LIPC: variants seen among roughly 807,000 people sequenced by gnomAD.
LIPC encodes hepatic triacylglycerol lipase.
LIPC carries 44 observed loss-of-function variants against 50.7 expected under a neutral mutation model. The ratio of observed to expected loss-of-function variants is 0.87; its 90% CI spans 0.68 to 1.11. The LOEUF is 1.11. Among genes scored for constraint, LIPC ranks in the 50% most tolerant of loss-of-function variants. The pLI is 0.00. For missense variants in LIPC, 697 were observed against 648.2 expected (o/e 1.08, Z -0.82); for synonymous variants, 271 against 256.4 (o/e 1.06, Z -0.54).
At chr15:58,527,738 C>T (rs929352656) in intron 1 of LIPC, among the ~76,000 whole-genome samples, 1 of 152,160 alleles carries the variant, frequency 6.6e-6, no homozygotes, top group East Asian at 1.9e-4. Flanking sequence ...TATTCACAAT[C>T]CCTGACACAT....
At chr15:58,467,667 A>G (rs1160975015) in intron 1 of LIPC, among the ~76,000 whole-genome samples, 1 of 152,160 alleles carries the variant, frequency 6.6e-6, no homozygotes, top group Non-Finnish European at 1.5e-5. Flanking sequence ...AGAGTGGCCC[A>G]TTCTCAAATG....
At position 58,548,436 on chromosome 15, in the gene LIPC, G is replaced by C. The variant is rs776867538; in HGVS notation, c.915G>C (p.Met305Ile). 18 of 1,613,890 alleles carry C rather than the reference G, an allele frequency of 1.1e-5. No individual in the cohort carries two copies. The Admixed American group carries it at 1.3e-4, about 12-fold the overall frequency. ...TQSMAYPCGD[M>I]NSFSQGLCLS... Reference sequence around the variant, plus strand: ...GCATGGCCTACCCGTGTGGTGACATGAACAGCTTCAGCCAGGGCCTGTGCC... The same window carrying C: ...GCATGGCCTACCCGTGTGGTGACATCAACAGCTTCAGCCAGGGCCTGTGCC... Residue 305 changes from methionine (M) to isoleucine (I), a missense_variant, in exon 6 of 9, where the codon ATG (methionine) becomes ATC (isoleucine). Met to Ile is a conservative substitution (Grantham distance 10). Coordinates refer to ENST00000299022, the MANE Select transcript of LIPC (RefSeq NM_000236.3).
chr15:58,447,676 A>G (rs1893747250), intron 1 of LIPC, among the ~76,000 whole-genome samples: 1 of 152,184 alleles, frequency 6.6e-6, no homozygotes, highest in Non-Finnish European at 1.5e-5. Context: ...CCTTTGAATC[A>G]TCTGGAGAGC....
At chr15:58,444,369 C>T (rs527608476) in intron 1 of LIPC, among the ~76,000 whole-genome samples, 25 of 152,272 alleles carry the variant, frequency 1.6e-4, no homozygotes, top group African/African-American at 4.1e-4. Flanking sequence ...TCAGAGATTT[C>T]GCCACACACC....
chr15:58,489,217 C>CGGGGGG (rs59532809), intron 1 of LIPC, among the ~76,000 whole-genome samples: 29 of 16,440 alleles, frequency 1.8e-3, no homozygotes, highest in Admixed American at 3.1e-3. Context: ...CATTTTGTTG[C>CGGGGGG]GGGGGCGGGG....
At chr15:58,523,019 C>G (rs1892700793) in intron 1 of LIPC, 1 of 152,390 alleles carries the variant, frequency 6.6e-6, no homozygotes, top group Non-Finnish European at 1.5e-5. Context: ...GCATCAGTCT[C>G]TCCAGGGCCT....
At position 58,563,592 on chromosome 15, in the gene LIPC, G is replaced by A. The variant is rs751744696; in HGVS notation, c.1257G>A (p.Lys419=). ...DIGELIMIKF[K]WENSAVWANV... ...GCGAGCTGATCATGATCAAGTTCAA[G>A]TGGGAAAACAGTGCAGTGTGGGCCA... Residue 419 remains lysine, a synonymous_variant, in exon 8 of 9, where the codon AAG becomes AAA. Transcript: ENST00000299022. 1.2e-5 allele frequency: 20 copies of A among 1,614,094 alleles called. No individual in the cohort carries two copies. Among genetic ancestry groups the A allele is most frequent in the African/African-American group, 2.7e-5 (2 of 74,926 alleles).
At chr15:58,441,171 C>T (rs370524226) in intron 1 of LIPC, among the ~76,000 whole-genome samples, 80 of 152,236 alleles carry the variant, frequency 5.3e-4, no homozygotes, top group African/African-American at 1.9e-3. Flanking sequence ...GCCCTACACC[C>T]GCAAACACTC....
At position 58,541,908 on chromosome 15, in the gene LIPC, G is replaced by A. The variant is rs766415805; in HGVS notation, c.397G>A (p.Ala133Thr). ...ITLAHDHYTI[A>T]VRNTRLVGKE... ...CCTGGCCCACGACCACTACACCATC[G>A]CCGTCCGCAACACCCGCCTTGTGGG... Residue 133 changes from alanine to threonine, a missense_variant, in exon 3 of 9, where the codon GCC becomes ACC. Transcript: ENST00000299022. The A allele has an allele frequency of 6.2e-6, 10 of 1,611,554 alleles. No individual in the cohort carries two copies. The highest frequency in any genetic ancestry group is 2.7e-5 in the African/African-American group (2 of 74,898).
intron 1 of LIPC, among the ~76,000 whole-genome samples, chr15:58,482,239 G>A (rs1173943727): frequency 6.6e-6 from 1 of 152,102 alleles, no homozygotes; most frequent in East Asian, 1.9e-4. Flanking sequence ...CACCTAATAG[G>A]AACCCTTTCC....
chr15:58,439,765 G>T, intron 1 of LIPC, among the ~76,000 whole-genome samples: 1 of 152,114 alleles, frequency 6.6e-6, no homozygotes, highest in Admixed American at 6.5e-5. Context: ...ATAAGATTCT[G>T]GGGCCCTAAC....
intron 1 of LIPC, among the ~76,000 whole-genome samples, chr15:58,438,992 C>A (rs534943561): frequency 7.0e-4 from 106 of 152,360 alleles, no homozygotes; most frequent in Non-Finnish European, 1.3e-3. Context: ...TCTTTGTCTA[C>A]AGCGTTTTCA....
chr15:58,542,982 C>T (rs563133307), intron 4 of LIPC, among the ~76,000 whole-genome samples: 6 of 152,178 alleles, frequency 3.9e-5, no homozygotes, highest in South Asian at 2.1e-4. Context: ...CCAATTTGGG[C>T]GAGTTAAGGA....
rs1894130804 is a variant in LIPC, at chr15:58,560,742, CAT to C, written c.1052-119_1052-118del. The C allele has an allele frequency of 3.6e-5, 23 of 637,626 alleles. No homozygotes were observed. In the East Asian group the frequency reaches 6.4e-4, roughly 18 times the overall value. The allele number at this position is 637,626 out of a possible 1,614,324, so 39.5% of individuals were successfully genotyped here. Reference sequence around the variant, plus strand: ...TTTAGGAGCAAAAAAATGTTGTTAACATATTAATATCTATCCAAACTCTTCCC... The same window carrying C: ...TTTAGGAGCAAAAAAATGTTGTTAACATTAATATCTATCCAAACTCTTCCC... On this transcript the variant is annotated intron_variant, in intron 6 of 8. Coordinates refer to ENST00000299022, the MANE Select transcript of LIPC (RefSeq NM_000236.3).
chr15:58,557,325 A>G (rs1893985761), intron 6 of LIPC, among the ~76,000 whole-genome samples: 1 of 152,090 alleles, frequency 6.6e-6, no homozygotes, highest in East Asian at 1.9e-4. Flanking sequence ...ACTTGGCAAA[A>G]ACCAAAATAG....
intron 1 of LIPC, among the ~76,000 whole-genome samples, chr15:58,466,368 T>C (rs1395628420): frequency 6.6e-6 from 1 of 152,216 alleles, no homozygotes; most frequent in Non-Finnish European, 1.5e-5. Context: ...TCGTGAAAGG[T>C]AGACTGATGT....
At chr15:58,449,160 CA>C (rs1893812458) in intron 1 of LIPC, among the ~76,000 whole-genome samples, 1 of 152,216 alleles carries the variant, frequency 6.6e-6, no homozygotes, top group Non-Finnish European at 1.5e-5. Flanking sequence ...GATGGCTACT[CA>C]GACGCCAGTC....
At chr15:58,546,163 C>A (rs1039382467) in intron 5 of LIPC, among the ~76,000 whole-genome samples, 188 bp downstream of exon 5, 1 of 152,232 alleles carries the variant, frequency 6.6e-6, no homozygotes, top group Non-Finnish European at 1.5e-5. Context: ...TGTCCCCCAG[C>A]AGGCCACTCC....
At chr15:58,563,135 A>G (rs1566953154) in intron 7 of LIPC, among the ~76,000 whole-genome samples, 1 of 152,112 alleles carries the variant, frequency 6.6e-6, no homozygotes. Context: ...CAGGCATACT[A>G]TGTTAAACCT....
Sources: gnomAD v4.1 joint callset for allele counts (sites outside exome capture counted in the v4.1 genomes callset) on GRCh38, gnomAD v4.1.1 for gene constraint, MANE v1.5 for transcripts, NCBI Gene and HGNC (gene_info 2026-07-23, HGNC 2026-07-21) for gene names.